The following FOCAD variants were observed in gnomAD, a reference collection of about 807,000 sequenced individuals.
FOCAD encodes the protein KIAA1797.
A neutral mutation model predicts 225.6 loss-of-function variants in FOCAD; 198 were observed. That is an observed-to-expected ratio of 0.88 (90% CI 0.78 to 0.99). FOCAD has a LOEUF of 0.99. FOCAD is among the 50% of genes least tolerant of loss of function. The pLI is 0.00. For missense variants in FOCAD, 2,713 were observed against 2,123.6 expected, an observed-to-expected ratio of 1.28 and a Z score of -5.46; for synonymous variants, 897 against 755.0, an observed-to-expected ratio of 1.19 and a Z score of -3.08.
chr9:20,747,770 A>C (rs1245857128), intron 5 of FOCAD, among the ~76,000 whole-genome samples: 1 of 151,166 alleles, frequency 6.6e-6, no homozygotes, highest in Non-Finnish European at 1.5e-5. Flanking sequence ...ATAGATATAA[A>C]ATTTTATTTA....
At chr9:20,675,943 T>C (rs1275076586) in intron 2 of FOCAD, among the ~76,000 whole-genome samples, 1 of 152,218 alleles carries the variant, frequency 6.6e-6, no homozygotes, top group African/African-American at 2.4e-5. Flanking sequence ...AATTAGCCTC[T>C]ATGAATCGTC....
At chr9:20,688,671 C>G (rs1175756696) in intron 1 of FOCAD, among the ~76,000 whole-genome samples, 1 of 152,006 alleles carries the variant, frequency 6.6e-6, no homozygotes, top group African/African-American at 2.4e-5. Context: ...GAAACACTAC[C>G]CTGTAGGAAA....
At chr9:20,862,985 A>G (rs893079061) in intron 16 of FOCAD, 6 of 247,818 alleles carry the variant, frequency 2.4e-5, no homozygotes, top group African/African-American at 1.3e-4. Flanking sequence ...AAATAATAGA[A>G]TTCATAAAGC....
intron 5 of FOCAD, among the ~76,000 whole-genome samples, chr9:20,746,825 G>A (rs1828074528): frequency 1.3e-5 from 2 of 152,044 alleles, no homozygotes; most frequent in South Asian, 2.1e-4. Context: ...ATCACCTGTT[G>A]CCTTTGGTTG....
At chr9:20,783,242 T>C (rs1038460085) in intron 10 of FOCAD, among the ~76,000 whole-genome samples, 1 of 152,172 alleles carries the variant, frequency 6.6e-6, no homozygotes, top group African/African-American at 2.4e-5. Flanking sequence ...ACTTTCTCTT[T>C]AGCAGCTGGT....
intron 5 of FOCAD, among the ~76,000 whole-genome samples, chr9:20,747,827 T>A (rs1828184079): frequency 6.6e-6 from 1 of 151,764 alleles, no homozygotes; most frequent in African/African-American, 2.4e-5. Context: ...TTAGTGTTTT[T>A]TTTTTTTTGC....
At chr9:20,866,121 A>G (rs1829207053) in intron 17 of FOCAD, 145 bp downstream of exon 17, 1 of 701,708 alleles carries the variant, frequency 1.4e-6, no homozygotes, top group Non-Finnish European at 2.3e-6. Context: ...ATTATTCATA[A>G]GTTTTGGTTT....
intron 26 of FOCAD, among the ~76,000 whole-genome samples, 174 bp downstream of exon 26, chr9:20,926,591 C>G (rs902894585): frequency 6.6e-6 from 1 of 152,046 alleles, no homozygotes; most frequent in Non-Finnish European, 1.5e-5. Flanking sequence ...CGAGACCAGC[C>G]TGACCAACAT....
chr9:20,790,458 C>T (rs760181611), intron 11 of FOCAD, among the ~76,000 whole-genome samples: 24 of 152,062 alleles, frequency 1.6e-4, no homozygotes, highest in Non-Finnish European at 1.0e-4. Flanking sequence ...TGGTAGAAAA[C>T]GGGCAAATGT....
At chr9:20,917,184 G>A (rs1268816735) in intron 24 of FOCAD, among the ~76,000 whole-genome samples, 2 of 151,832 alleles carry the variant, frequency 1.3e-5, no homozygotes, top group African/African-American at 2.4e-5. Context: ...CTGAAGTTGA[G>A]CCCCTGCTGT....
At chr9:20,659,424 GAGAAAGAA>G (rs775515495) in intron 2 of FOCAD, among the ~76,000 whole-genome samples, 2 of 140,354 alleles carry the variant, frequency 1.4e-5, no homozygotes, top group Admixed American at 7.2e-5. Context: ...AGAAAGAAAG[GAGAAAGAA>G]AGAAAGAAAG....
At chr9:20,969,822 A>G (rs2132531422) in intron 35 of FOCAD, among the ~76,000 whole-genome samples, 1 of 151,738 alleles carries the variant, frequency 6.6e-6, no homozygotes, top group Non-Finnish European at 1.5e-5. Context: ...TATTATCTAG[A>G]TTACTATTTA....
intron 35 of FOCAD, among the ~76,000 whole-genome samples, chr9:20,958,768 A>G (rs1036676642): frequency 6.6e-6 from 1 of 152,110 alleles, no homozygotes; most frequent in Non-Finnish European, 1.5e-5. Flanking sequence ...TTGCTTCCAC[A>G]TATGAGTGAG....
chr9:20,692,674 C>T, intron 1 of FOCAD, among the ~76,000 whole-genome samples: 1 of 152,074 alleles, frequency 6.6e-6, no homozygotes, highest in East Asian at 1.9e-4. Context: ...TCTACGTGGT[C>T]AGTAAACTAT....
intron 15 of FOCAD, 71 bp downstream of exon 15, chr9:20,823,186 G>A: frequency 6.8e-7 from 1 of 1,473,062 alleles, no homozygotes; most frequent in Non-Finnish European, 9.1e-7. Flanking sequence ...GTACAAGAAT[G>A]TAAGATTAGA....
At chr9:20,710,496 C>A (rs1003538171) in intron 1 of FOCAD, among the ~76,000 whole-genome samples, 9 of 151,640 alleles carry the variant, frequency 5.9e-5, no homozygotes, top group Non-Finnish European at 8.8e-5. Flanking sequence ...ACTCTGGAGG[C>A]TGAGGCAGGA....
At chr9:20,785,924 G>A (rs1045271811) in intron 10 of FOCAD, among the ~76,000 whole-genome samples, 2 of 152,070 alleles carry the variant, frequency 1.3e-5, no homozygotes, top group Non-Finnish European at 1.5e-5. Flanking sequence ...TGTTGTTATT[G>A]TTTATCTTTT....
intron 37 of FOCAD, 141 bp downstream of exon 37, chr9:20,978,595 G>T (rs1423937737): frequency 5.9e-6 from 3 of 504,758 alleles, no homozygotes; most frequent in Non-Finnish European, 1.0e-5. Context: ...ATAGTAGCTG[G>T]CCTGCATATT....
intron 1 of FOCAD, among the ~76,000 whole-genome samples, chr9:20,707,400 C>T (rs1176454125): frequency 6.6e-6 from 1 of 152,108 alleles, no homozygotes; most frequent in Non-Finnish European, 1.5e-5. Context: ...GAATCATATA[C>T]AGTTGACCCT....
Sources: allele counts gnomAD v4.1 joint callset (sites outside exome capture counted in the v4.1 genomes callset), GRCh38; gene constraint gnomAD v4.1.1; transcripts MANE v1.5; gene names NCBI Gene and HGNC (gene_info 2026-07-23, HGNC 2026-07-21).